PDZD2: variants seen among roughly 807,000 people sequenced by gnomAD.
PDZD2 encodes PDZ domain-containing protein 2.
A neutral mutation model predicts 220.7 loss-of-function variants in PDZD2; 90 were observed. The ratio of observed to expected loss-of-function variants is 0.41; its 90% CI spans 0.34 to 0.49. PDZD2 has a LOEUF of 0.49. PDZD2 is among the 20% of genes least tolerant of loss of function. The probability of loss-of-function intolerance (pLI) is 0.28; values close to 1 mark genes in which losing one functional copy is unlikely to be tolerated. For synonymous variants in PDZD2, 1,375 were observed against 1,450.5 expected, an observed-to-expected ratio of 0.95 and a Z score of 1.18; for missense variants, 3,174 against 3,608.5, an observed-to-expected ratio of 0.88 and a Z score of 3.08.
At chr5:31,749,823 C>G (rs1252445995) in intron 1 of PDZD2, among the ~76,000 whole-genome samples, 1 of 152,166 alleles carries the variant, frequency 6.6e-6, no homozygotes, top group East Asian at 1.9e-4. Flanking sequence ...TTTTCCCATC[C>G]CACAGGACCA....
intron 6 of PDZD2, 39 bp from the exon 7 acceptor site, chr5:32,037,192 C>G (rs763567416): frequency 7.7e-7 from 1 of 1,306,142 alleles, no homozygotes; most frequent in Non-Finnish European, 1.1e-6. Flanking sequence ...CATCGCAGGG[C>G]TGGGCTCTCC....
At chr5:31,803,289 G>C (rs1323777988) in intron 2 of PDZD2, among the ~76,000 whole-genome samples, 1 of 117,342 alleles carries the variant, frequency 8.5e-6, no homozygotes, top group Non-Finnish European at 1.7e-5. Flanking sequence ...TTTTTGTAGA[G>C]ATGGTATCTT....
At chr5:31,891,334 G>C (rs1327304318) in intron 2 of PDZD2, among the ~76,000 whole-genome samples, 1 of 151,044 alleles carries the variant, frequency 6.6e-6, no homozygotes, top group Non-Finnish European at 1.5e-5. Flanking sequence ...TTTATTTTTT[G>C]AGACAAAGTT....
chr5:31,840,173 A>G, intron 2 of PDZD2, among the ~76,000 whole-genome samples: 1 of 151,808 alleles, frequency 6.6e-6, no homozygotes, highest in Non-Finnish European at 1.5e-5. Context: ...GCAGCTTGAG[A>G]CTGCGGTGAG....
rs115304584 is a variant in PDZD2, at chr5:32,074,356, G to T, written c.3250G>T (p.Ala1084Ser). The change falls in exon 18 of 25, where the codon GCA becomes TCA. Residue 1084 changes from alanine to serine, a missense_variant. Physicochemically the swap from Ala to Ser is moderately conservative, Grantham distance 99. Transcript: ENST00000438447. ...GAAGGAACTGTCAGGATCAAGTAGC[G>T]CACCCAAATTGGAATACACAGTCCG... Reference protein sequence around the residue: ...WKKELSGSSSAPKLEYTVRTD... With the variant: ...WKKELSGSSSSPKLEYTVRTD... 6.2e-7 allele frequency: 1 copy of T among 1,614,164 alleles called. No individual in the cohort carries two copies. The highest frequency in any genetic ancestry group is 1.3e-5 in the African/African-American group (1 of 75,052).
chr5:31,955,683 C>CTTTTTTTTTTTTT (rs34964306), intron 2 of PDZD2, among the ~76,000 whole-genome samples: 2 of 116,870 alleles, frequency 1.7e-5, no homozygotes, highest in Non-Finnish European at 3.5e-5. Flanking sequence ...GGGCTCTGTT[C>CTTTTTTTTTTTTT]TTTTTTTTTT....
chr5:31,923,182 C>A (rs576995212), intron 2 of PDZD2, among the ~76,000 whole-genome samples: 1 of 152,134 alleles, frequency 6.6e-6, no homozygotes, highest in Non-Finnish European at 1.5e-5. Context: ...GTAATCCCAG[C>A]TACTCAGGGG....
At chr5:31,910,774 T>C (rs923111647) in intron 2 of PDZD2, among the ~76,000 whole-genome samples, 26 of 151,658 alleles carry the variant, frequency 1.7e-4, no homozygotes, top group Non-Finnish European at 5.9e-5. Flanking sequence ...AAGCTATCCA[T>C]CTGCCTCAGG....
chr5:31,682,975 C>G (rs897530148), intron 1 of PDZD2, among the ~76,000 whole-genome samples: 8 of 152,218 alleles, frequency 5.3e-5, no homozygotes, highest in African/African-American at 1.9e-4. Flanking sequence ...AGATGGGAGT[C>G]ATTTTTCTCT....
At chr5:31,649,696 A>G (rs1016463109) in intron 1 of PDZD2, among the ~76,000 whole-genome samples, 7 of 152,122 alleles carry the variant, frequency 4.6e-5, no homozygotes, top group South Asian at 2.1e-4. Flanking sequence ...GCACTCTGGG[A>G]GGCCAAGGCA....
intron 2 of PDZD2, among the ~76,000 whole-genome samples, chr5:31,965,745 A>T (rs1243044224): frequency 8.5e-5 from 13 of 152,054 alleles, no homozygotes; most frequent in Non-Finnish European, 1.5e-4. Context: ...AAAATACAAA[A>T]AATTAGCCAG....
At chr5:31,881,352 G>A (rs1454492892) in intron 2 of PDZD2, among the ~76,000 whole-genome samples, 7 of 139,568 alleles carry the variant, frequency 5.0e-5, no homozygotes, top group African/African-American at 2.1e-4. Flanking sequence ...GTGTGTGTGT[G>A]TGTGTGTGTG....
At chr5:32,070,942 AG>A (rs2112386427) in intron 15 of PDZD2, among the ~76,000 whole-genome samples, 1 of 124,826 alleles carries the variant, frequency 8.0e-6, no homozygotes, top group South Asian at 2.5e-4. Context: ...ATTGCACTCC[AG>A]CCTGGGCAAC....
At chr5:31,843,222 A>C (rs1757416142) in intron 2 of PDZD2, 1 of 151,280 alleles carries the variant, frequency 6.6e-6, no homozygotes, top group Non-Finnish European at 1.5e-5. Context: ...GACTCTGGTA[A>C]TTCAAAGTGT....
Position 32,088,545 on chromosome 5 carries a change from C to T in PDZD2, c.5097C>T (p.Val1699=), listed in dbSNP as rs576299357. The T allele has an allele frequency of 5.1e-5, 83 of 1,614,012 alleles. 1 individual carries two copies. The South Asian group carries it at 8.6e-4, about 17-fold the overall frequency. ...RPSCAEETTE[V]TSASSAMENS... ...CGTGTGCAGAAGAAACCACAGAAGT[C>T]ACCAGCGCTAGCTCAGCCATGGAAA... The change falls in exon 20 of 25, where the codon GTC becomes GTT. Residue 1699 remains valine, a synonymous_variant. Coordinates refer to ENST00000438447, the MANE Select transcript of PDZD2 (RefSeq NM_178140.4). The surrounding 1 kb of genome is among the most constrained non-coding windows in gnomAD (Gnocchi z 4.6).
At chr5:32,070,863 C>T (rs971448633) in intron 15 of PDZD2, among the ~76,000 whole-genome samples, 11 of 152,096 alleles carry the variant, frequency 7.2e-5, no homozygotes, top group Admixed American at 6.5e-5. Flanking sequence ...GATGTGGTGG[C>T]GCATGCCTGT....
intron 1 of PDZD2, among the ~76,000 whole-genome samples, chr5:31,649,668 C>G (rs116230033): frequency 6.6e-6 from 1 of 151,932 alleles, no homozygotes; most frequent in African/African-American, 2.4e-5. Context: ...GGCGCGGCAG[C>G]GCATGCCTGT....
At position 32,074,035 on chromosome 5, in the gene PDZD2, G is replaced by T; in HGVS notation, c.2929G>T (p.Asp977Tyr). 6.2e-7 allele frequency: 1 copy of T among 1,614,186 alleles called. No homozygotes were observed. Among genetic ancestry groups the T allele is most frequent in the African/African-American group, 1.3e-5 (1 of 75,058 alleles). ...ANDASDEEEF[D>Y]REGDCISLPG... is the part of the protein sequence containing the mutation. Reference sequence around the variant, plus strand: ...CGATGCCAGTGATGAGGAAGAGTTTGACAGAGAAGGGGACTGCATTTCACT... The same window carrying T: ...CGATGCCAGTGATGAGGAAGAGTTTTACAGAGAAGGGGACTGCATTTCACT... Residue 977 changes from aspartate (D) to tyrosine (Y), a missense_variant, in exon 18 of 25, where the codon GAC becomes TAC. Asp to Tyr is a radical substitution (Grantham distance 160, BLOSUM62 -3). Around this residue, in one of 4 missense-constraint regions of PDZD2, gnomAD observed 1,861 missense variants for 2,001.0 expected, o/e 0.93. Transcript: ENST00000438447.
Position 31,821,525 on chromosome 5 carries a change from C to T in PDZD2, c.476+21801C>T, listed in dbSNP as rs532159353. ...CCTCCTGAGTAGCTGGGACTACAGG[C>T]GTGCACCACCACACTCAGCTAATTT... On this transcript the variant is annotated intron_variant, in intron 2 of 24. Coordinates refer to ENST00000438447, the MANE Select transcript of PDZD2 (RefSeq NM_178140.4). Among the ~76,000 whole-genome samples, 1,006 of 152,046 alleles carry T rather than the reference C, an allele frequency of 6.6e-3. 7 individuals carry two copies. The highest frequency in any genetic ancestry group is 8.0e-3 in the Non-Finnish European group (543 of 67,968).
Sources: gnomAD v4.1 joint callset for allele counts (sites outside exome capture counted in the v4.1 genomes callset) on GRCh38, gnomAD v4.1.1 for gene constraint, gnomAD v4.1.1 regional missense constraint, Gnocchi (gnomAD v3.1) non-coding constraint, MANE v1.5 for transcripts, NCBI Gene and HGNC (gene_info 2026-07-23, HGNC 2026-07-21) for gene names.